Variants in MAP2K5 observed in about 807,000 individuals in gnomAD.
MAP2K5 encodes the protein mitogen-activated protein kinase kinase 5, also known as dual specificity mitogen-activated protein kinase kinase 5.
In MAP2K5, 49 loss-of-function variants were observed where a neutral mutation model predicts 83.1. The observed-to-expected ratio is 0.59, with a 90% confidence interval of 0.47 to 0.75. The LOEUF is 0.75. Among genes scored for constraint, MAP2K5 ranks in the 30% least tolerant of loss-of-function variants. The pLI, the probability that MAP2K5 is intolerant of heterozygous loss-of-function variation, is 0.00. For missense variants in MAP2K5, 457 were observed against 557.5 expected (o/e 0.82, Z 1.82); for synonymous variants, 202 against 191.8 (o/e 1.05, Z -0.44).
chr15:67,712,063 G>T (rs987372671), intron 16 of MAP2K5, among the ~76,000 whole-genome samples: 8 of 152,206 alleles, frequency 5.3e-5, no homozygotes, highest in Non-Finnish European at 1.0e-4. Context: ...GTTTTCTGGA[G>T]CAAATAAAAT....
chr15:67,753,856 T>C (rs753712955), intron 19 of MAP2K5, among the ~76,000 whole-genome samples: 3 of 152,192 alleles, frequency 2.0e-5, no homozygotes, highest in Non-Finnish European at 4.4e-5. Flanking sequence ...CCTCTAGGTA[T>C]ATATCCAAGA....
chr15:67,682,222 A>T lies in MAP2K5; in HGVS notation c.848-10257A>T, dbSNP rs1418081084. 7.7e-5 allele frequency among the ~76,000 whole-genome samples: 11 copies of T among 142,620 alleles called. No individual in the cohort carries two copies. The East Asian group carries it at 1.2e-3, about 16-fold the overall frequency. 93.6% of individuals were successfully genotyped at this position (142,620 alleles called of 152,430 possible). On this transcript the variant is annotated intron_variant, in intron 13 of 21. Coordinates refer to ENST00000178640, the MANE Select transcript of MAP2K5 (RefSeq NM_145160.3). ...AAATCATTTCAGTGTTTCTAGAGCT[A>T]TTTTTTTTTTTTTAAGATAGAGTCT...
intron 3 of MAP2K5, among the ~76,000 whole-genome samples, chr15:67,576,600 G>A (rs2085069291): frequency 6.8e-6 from 1 of 147,570 alleles, no homozygotes; most frequent in Non-Finnish European, 1.5e-5. Flanking sequence ...TTGCAAAGCT[G>A]ATTGATCTTT....
intron 3 of MAP2K5, among the ~76,000 whole-genome samples, chr15:67,567,612 C>T (rs924103811): frequency 5.3e-5 from 8 of 152,170 alleles, no homozygotes; most frequent in African/African-American, 1.9e-4. Context: ...GATCCACCCG[C>T]CTCGGCCTCC....
chr15:67,774,101 C>A lies in MAP2K5; in HGVS notation c.1242+1349C>A, dbSNP rs1375967963. ...GGTAAGGAACACCACTCCAGGGTGG[C>A]ACATCATAAAGACAAGGCTAAAGGG... On this transcript the variant is annotated intron_variant, in intron 21 of 21. Transcript: ENST00000178640. This position sits in a 1 kb window ranked among gnomAD's most constrained non-coding sequence, Gnocchi z 4.9. Among the ~76,000 whole-genome samples, 1 of 151,898 alleles carries A rather than the reference C, an allele frequency of 6.6e-6. No individual in the cohort carries two copies. Among genetic ancestry groups the A allele is most frequent in the Non-Finnish European group, 1.5e-5 (1 of 67,996 alleles).
At chr15:67,653,614 T>G (rs1446373576) in intron 11 of MAP2K5, among the ~76,000 whole-genome samples, 1 of 152,176 alleles carries the variant, frequency 6.6e-6, no homozygotes, top group Admixed American at 6.5e-5. Flanking sequence ...TTTTTTCATT[T>G]AAAATGAAAC....
intron 17 of MAP2K5, among the ~76,000 whole-genome samples, chr15:67,744,467 A>G (rs2089560300): frequency 6.6e-6 from 1 of 152,246 alleles, no homozygotes; most frequent in Non-Finnish European, 1.5e-5. Flanking sequence ...GGAAGATCTG[A>G]CCTAGGTCAC....
At chr15:67,574,696 G>A (rs754166523) in intron 3 of MAP2K5, among the ~76,000 whole-genome samples, 110 of 148,512 alleles carry the variant, frequency 7.4e-4, no homozygotes, top group Middle Eastern at 3.8e-3. Flanking sequence ...GGGAAACCCC[G>A]TCTCTACTAA....
chr15:67,615,584 G>A (rs547307906), intron 8 of MAP2K5, among the ~76,000 whole-genome samples: 4 of 152,160 alleles, frequency 2.6e-5, no homozygotes, highest in Non-Finnish European at 5.9e-5. Context: ...CTAAAATTTC[G>A]AAGCTTGGCC....
rs1034492606 is a variant in MAP2K5, at chr15:67,638,773, T to C, written c.586-7458T>C. On this transcript the variant is annotated intron_variant, in intron 9 of 21. Coordinates refer to ENST00000178640, the MANE Select transcript of MAP2K5 (RefSeq NM_145160.3). This position sits in a 1 kb window ranked among gnomAD's most constrained non-coding sequence, Gnocchi z 4.5. ...TTTTAGTAATAGCCATTCTGACTGA[T>C]GTGAGATGGTATCTCATTGTGGTTT... is the stretch of plus-strand genomic sequence containing the variant. Among the ~76,000 whole-genome samples the C allele has an allele frequency of 8.5e-5, 13 of 152,212 alleles. No homozygotes were observed. Among genetic ancestry groups the C allele is most frequent in the African/African-American group, 3.1e-4 (13 of 41,454 alleles).
At chr15:67,701,635 A>G (rs76037830) in intron 15 of MAP2K5, among the ~76,000 whole-genome samples, 1 of 152,332 alleles carries the variant, frequency 6.6e-6, no homozygotes, top group East Asian at 1.9e-4. Flanking sequence ...TCCAGGGAAC[A>G]TGGAAATATT....
chr15:67,785,973 G>T lies in MAP2K5; in HGVS notation c.1242+13221G>T, dbSNP rs1316674603. 6.6e-6 allele frequency among the ~76,000 whole-genome samples: 1 copy of T among 151,916 alleles called. No individual in the cohort carries two copies. The highest frequency in any genetic ancestry group is 1.9e-4 in the East Asian group (1 of 5,186). The stretch of plus-strand genomic sequence containing the variant: ...GCCTGAGCTGCTTCATCTGTAAAAT[G>T]GGGTAATGATACCAACTTCACAGGG... On this transcript the variant is annotated intron_variant, in intron 21 of 21. Coordinates refer to ENST00000178640, the MANE Select transcript of MAP2K5 (RefSeq NM_145160.3). The surrounding 1 kb of genome is among the most constrained non-coding windows in gnomAD (Gnocchi z 4.4).
chr15:67,575,395 G>C (rs1464485902), intron 3 of MAP2K5, among the ~76,000 whole-genome samples: 1 of 151,950 alleles, frequency 6.6e-6, no homozygotes, highest in Admixed American at 6.5e-5. Flanking sequence ...TGGGGGAGTG[G>C]TTGTTGCCAA....
In MAP2K5 at chr15:67,587,153, G is replaced by C. The variant is rs190494217; in HGVS notation, c.431+240G>C. Among the ~76,000 whole-genome samples, 1 of 152,164 alleles carries C rather than the reference G, an allele frequency of 6.6e-6. No homozygotes were observed. Among genetic ancestry groups the C allele is most frequent in the East Asian group, 1.9e-4 (1 of 5,190 alleles). ...AGAAGCAGAGAAGGGCGTTTCAGAC[G>C]GAGGGAAGAGGGTAGGTGAAGGCCC... On this transcript the variant is annotated intron_variant, in intron 6 of 21. Coordinates refer to ENST00000178640, the MANE Select transcript of MAP2K5 (RefSeq NM_145160.3). The surrounding 1 kb of genome is among the most constrained non-coding windows in gnomAD (Gnocchi z 4.8).
intron 8 of MAP2K5, among the ~76,000 whole-genome samples, chr15:67,623,910 C>T (rs1181593936): frequency 1.3e-5 from 2 of 151,708 alleles, no homozygotes; most frequent in East Asian, 3.9e-4. Context: ...TCCTACCTTC[C>T]TAACATTTAA....
intron 7 of MAP2K5, among the ~76,000 whole-genome samples, chr15:67,594,299 C>T (rs2085477218): frequency 6.6e-6 from 1 of 152,096 alleles, no homozygotes; most frequent in Non-Finnish European, 1.5e-5. Context: ...TTTGTTAGAA[C>T]CAGCATATAT....
At chr15:67,635,770 T>C (rs544392099) in intron 9 of MAP2K5, among the ~76,000 whole-genome samples, 4 of 152,258 alleles carry the variant, frequency 2.6e-5, no homozygotes, top group Admixed American at 2.0e-4. Flanking sequence ...TTCTTTCAGT[T>C]TTTTAAAGAT....
rs1448172126 is a variant in MAP2K5, at chr15:67,719,976, C to T, written c.1045-7940C>T. ...ACTTTTAGAGATTTAGTTATATACC[C>T]AGATATTTTCATTAGTATTCTGTGA... is the stretch of plus-strand genomic sequence containing the variant. On this transcript the variant is annotated intron_variant, in intron 16 of 21. Transcript: ENST00000178640. This position sits in a 1 kb window ranked among gnomAD's most constrained non-coding sequence, Gnocchi z 4.6. Among the ~76,000 whole-genome samples, 1 of 152,082 alleles carries T rather than the reference C, an allele frequency of 6.6e-6. No individual in the cohort carries two copies.
rs1233485412 is a variant in MAP2K5 at position 67,577,885 on chromosome 15, A to T, written c.253-2869A>T. Reference sequence around the variant, plus strand: ...GCCAGTGGTGGGTGCCTGTAATCCCAGCTACTTGGGAGGCTGAGGCAGGAG... The same window carrying T: ...GCCAGTGGTGGGTGCCTGTAATCCCTGCTACTTGGGAGGCTGAGGCAGGAG... On this transcript the variant is annotated intron_variant, in intron 3 of 21. Coordinates refer to ENST00000178640, the MANE Select transcript of MAP2K5 (RefSeq NM_145160.3). This position sits in a 1 kb window ranked among gnomAD's most constrained non-coding sequence, Gnocchi z 4.1. Among the ~76,000 whole-genome samples, 5 of 152,162 alleles carry T rather than the reference A, an allele frequency of 3.3e-5. No homozygotes were observed. Among genetic ancestry groups the T allele is most frequent in the Non-Finnish European group, 7.3e-5 (5 of 68,028 alleles).
Sources: gnomAD v4.1 joint callset for allele counts (sites outside exome capture counted in the v4.1 genomes callset) on GRCh38, gnomAD v4.1.1 for gene constraint, Gnocchi (gnomAD v3.1) non-coding constraint, MANE v1.5 for transcripts, NCBI Gene and HGNC (gene_info 2026-07-23, HGNC 2026-07-21) for gene names.